Variants in FAM163A observed in about 807,000 individuals in gnomAD.
FAM163A encodes the protein protein FAM163A.
FAM163A carries 7 observed loss-of-function variants against 12.0 expected under a neutral mutation model. The observed-to-expected ratio is 0.58, with a 90% CI of 0.33 to 1.10. FAM163A has a LOEUF of 1.10. Among genes scored for constraint, FAM163A ranks in the 50% least tolerant of loss-of-function variants. The probability of loss-of-function intolerance (pLI) is 0.03; values close to 1 mark genes in which losing one functional copy is unlikely to be tolerated. For synonymous variants in FAM163A, 101 were observed against 91.0 expected (o/e 1.11, Z -0.62); for missense variants, 202 against 218.6 (o/e 0.92, Z 0.48).
intron 1 of FAM163A, among the ~76,000 whole-genome samples, chr1:179,778,884 C>G (rs1265754279): frequency 6.6e-6 from 1 of 152,182 alleles, no homozygotes; most frequent in Non-Finnish European, 1.5e-5. Context: ...GCCAGACAGA[C>G]AGACACAGAC....
At chr1:179,757,866 G>A (rs1170349611) in intron 1 of FAM163A, among the ~76,000 whole-genome samples, 1 of 152,178 alleles carries the variant, frequency 6.6e-6, no homozygotes, top group Non-Finnish European at 1.5e-5. Context: ...AGGTGGAGGT[G>A]TGAAAAGAAC....
chr1:179,789,235 G>A (rs1247130204), intron 1 of FAM163A, among the ~76,000 whole-genome samples: 1 of 152,122 alleles, frequency 6.6e-6, no homozygotes, highest in African/African-American at 2.4e-5. Context: ...ATGCTGGAGT[G>A]CAGTGGTGCT....
At chr1:179,788,252 A>T (rs1690928598) in intron 1 of FAM163A, among the ~76,000 whole-genome samples, 1 of 152,200 alleles carries the variant, frequency 6.6e-6, no homozygotes, top group South Asian at 2.1e-4. Flanking sequence ...AAACTGAATA[A>T]TCCTCTCTCT....
intron 1 of FAM163A, among the ~76,000 whole-genome samples, chr1:179,769,847 A>T (rs1433738145): frequency 6.6e-6 from 1 of 150,716 alleles, no homozygotes. Context: ...CAAAGTAAAT[A>T]CATTGTTTTG....
chr1:179,774,349 G>A lies in FAM163A; in HGVS notation c.-136+30926G>A, dbSNP rs746598671. Among the ~76,000 whole-genome samples, 58 of 152,234 alleles carry A rather than the reference G, an allele frequency of 3.8e-4. 1 individual carries two copies. Among genetic ancestry groups the A allele is most frequent in the Middle Eastern group, 3.2e-3 (1 of 316 alleles). On this transcript the variant is annotated intron_variant, in intron 1 of 4. Coordinates refer to ENST00000341785, the MANE Select transcript of FAM163A (RefSeq NM_173509.3). Reference sequence around the variant, plus strand: ...GAGAGGCTTCTGGGGTTACAGGTCCGGCCTTCCCAGTCCTGAGCCCATGGA... The same window carrying A: ...GAGAGGCTTCTGGGGTTACAGGTCCAGCCTTCCCAGTCCTGAGCCCATGGA...
intron 1 of FAM163A, among the ~76,000 whole-genome samples, chr1:179,755,405 C>T (rs1371904943): frequency 3.3e-5 from 5 of 152,208 alleles, no homozygotes; most frequent in East Asian, 1.9e-4. Context: ...ACTGGCATTA[C>T]GGAGATTTTT....
At chr1:179,755,631 C>G (rs1230989604) in intron 1 of FAM163A, among the ~76,000 whole-genome samples, 2 of 152,180 alleles carry the variant, frequency 1.3e-5, no homozygotes, top group Admixed American at 1.3e-4. Flanking sequence ...ATAGAACACT[C>G]TAATTCAGGA....
upstream of FAM163A, among the ~76,000 whole-genome samples, chr1:179,740,800 G>A (rs1683551323): frequency 6.6e-6 from 1 of 152,168 alleles, no homozygotes; most frequent in South Asian, 2.1e-4. Flanking sequence ...TCTTGCGGTG[G>A]TGGAAATGTT....
intron 1 of FAM163A, among the ~76,000 whole-genome samples, chr1:179,788,439 C>T (rs1557946709): frequency 1.3e-5 from 2 of 152,214 alleles, no homozygotes; most frequent in Admixed American, 1.3e-4. Context: ...CTGAACAGGA[C>T]CTGCTCTTCC....
intron 1 of FAM163A, among the ~76,000 whole-genome samples, chr1:179,744,883 CAAT>C (rs750644104): frequency 3.9e-5 from 6 of 152,206 alleles, no homozygotes; most frequent in Non-Finnish European, 8.8e-5. Context: ...GGGAGACAAA[CAAT>C]AACTGCGGGC....
At chr1:179,778,518 T>C (rs1277953735) in intron 1 of FAM163A, among the ~76,000 whole-genome samples, 1 of 152,118 alleles carries the variant, frequency 6.6e-6, no homozygotes, top group Non-Finnish European at 1.5e-5. Context: ...GAGTAGAGCA[T>C]CGCATGCCCC....
chr1:179,795,842 C>T (rs1436564027), intron 1 of FAM163A, among the ~76,000 whole-genome samples: 12 of 152,104 alleles, frequency 7.9e-5, no homozygotes, highest in Admixed American at 7.9e-4. Flanking sequence ...TAACCCCTCT[C>T]CCCAAGTTTG....
chr1:179,743,982 C>T (rs1346610722), intron 1 of FAM163A, among the ~76,000 whole-genome samples: 1 of 152,196 alleles, frequency 6.6e-6, no homozygotes, highest in African/African-American at 2.4e-5. Flanking sequence ...AATGCGCCGC[C>T]GTCGGTCAGT....
chr1:179,736,675 C>T, the FAM163A span, among the ~76,000 whole-genome samples: 6 of 151,840 alleles, frequency 4.0e-5, 1 homozygote, highest in South Asian at 1.2e-3. Flanking sequence ...TAGCCAGGCG[C>T]GGTGGCAGCC....
chr1:179,767,398 C>T (rs1482385816), intron 1 of FAM163A, among the ~76,000 whole-genome samples: 2 of 152,144 alleles, frequency 1.3e-5, no homozygotes, highest in Non-Finnish European at 2.9e-5. Context: ...CCCCAGCTCC[C>T]TCCCCTCCAC....
chr1:179,788,475 T>A (rs540498281), intron 1 of FAM163A, among the ~76,000 whole-genome samples: 1 of 152,206 alleles, frequency 6.6e-6, no homozygotes, highest in Non-Finnish European at 1.5e-5. Flanking sequence ...TTCTTTTACA[T>A]GACAAAGCCT....
In FAM163A at chr1:179,747,242, G is replaced by T. The variant is rs528454134; in HGVS notation, c.-136+3819G>T. On this transcript the variant is annotated intron_variant, in intron 1 of 4. Coordinates refer to ENST00000341785, the MANE Select transcript of FAM163A (RefSeq NM_173509.3). ...CCCCAGAGAAAGAAGGAAGATTATT[G>T]GCGCAGTTGTCACTGCATCAATCAG... Among the ~76,000 whole-genome samples the T allele has an allele frequency of 1.5e-3, 220 of 151,256 alleles. 2 individuals are homozygous for T. The Middle Eastern group carries it at 0.017, about 12-fold the overall frequency.
chr1:179,770,096 G>A (rs977717562), intron 1 of FAM163A, among the ~76,000 whole-genome samples: 5 of 151,474 alleles, frequency 3.3e-5, no homozygotes, highest in East Asian at 3.9e-4. Context: ...TAGTAGACAC[G>A]GGGTTTCACC....
intron 1 of FAM163A, among the ~76,000 whole-genome samples, chr1:179,747,019 A>G (rs1167684958): frequency 6.6e-6 from 1 of 152,184 alleles, no homozygotes; most frequent in Non-Finnish European, 1.5e-5. Flanking sequence ...GTTCCCTTGT[A>G]CAGGATAAAG....
Sources: gnomAD v4.1 joint callset for allele counts (sites outside exome capture counted in the v4.1 genomes callset) on GRCh38, gnomAD v4.1.1 for gene constraint, MANE v1.5 for transcripts, NCBI Gene and HGNC (gene_info 2026-07-23, HGNC 2026-07-21) for gene names.